Variants in STEAP1B observed in about 807,000 individuals in gnomAD.
STEAP1B encodes STEAP family member 1B, also known as STEAP family protein MGC87042.
Under a neutral mutation model 27.9 loss-of-function variants are expected in STEAP1B, and 13 were observed. That is an observed-to-expected ratio of 0.47 (90% CI 0.30 to 0.74). The LOEUF (loss-of-function observed/expected upper bound fraction) is 0.74, where lower values mean the gene tolerates loss of function less well. Ranked by LOEUF, STEAP1B falls within the 30% of genes least tolerant of loss-of-function variation. The pLI is 0.06. For synonymous variants in STEAP1B, 86 were observed against 107.1 expected (o/e 0.80, Z 1.22); for missense variants, 250 against 298.7 (o/e 0.84, Z 1.20).
At chr7:22,479,635 C>G (rs1479895770) in intron 4 of STEAP1B, among the ~76,000 whole-genome samples, 2 of 149,752 alleles carry the variant, frequency 1.3e-5, no homozygotes, top group Non-Finnish European at 2.9e-5. Context: ...CTCTCTCCCC[C>G]TAGAGTGGCG....
chr7:22,438,716 G>A (rs577877335), intron 4 of STEAP1B: 1 of 1,551,670 alleles, frequency 6.4e-7, no homozygotes, highest in South Asian at 1.2e-5. Context: ...TTAGTGGCCT[G>A]AAAGTTGCAC....
chr7:22,440,355 G>A (rs575619566), intron 4 of STEAP1B, among the ~76,000 whole-genome samples: 24 of 152,118 alleles, frequency 1.6e-4, no homozygotes, highest in African/African-American at 5.3e-4. Context: ...ATTTAACTTG[G>A]GTGAAACATT....
At chr7:22,426,464 G>C (rs1310710310) in intron 4 of STEAP1B, among the ~76,000 whole-genome samples, 2 of 152,182 alleles carry the variant, frequency 1.3e-5, no homozygotes, top group Admixed American at 6.5e-5. Context: ...TTGGGCCCTT[G>C]AGGGTAGAAA....
chr7:22,477,810 T>G (rs1466307430), intron 4 of STEAP1B, among the ~76,000 whole-genome samples: 1 of 152,168 alleles, frequency 6.6e-6, no homozygotes, highest in East Asian at 1.9e-4. Context: ...AGGCTTTATC[T>G]CCTTTTAATC....
chr7:22,482,008 GC>G (rs1786083688), intron 4 of STEAP1B, among the ~76,000 whole-genome samples: 1 of 152,178 alleles, frequency 6.6e-6, no homozygotes, highest in Admixed American at 6.5e-5. Context: ...AGACTGGGTG[GC>G]CACTGTGTTC....
chr7:22,459,457 G>T (rs1392150816), intron 4 of STEAP1B, among the ~76,000 whole-genome samples: 4 of 152,124 alleles, frequency 2.6e-5, no homozygotes, highest in Non-Finnish European at 5.9e-5. Context: ...TTGGCAAAAG[G>T]CCCCAGATTA....
chr7:22,480,655 T>C (rs944213300), intron 4 of STEAP1B, among the ~76,000 whole-genome samples: 1 of 152,228 alleles, frequency 6.6e-6, no homozygotes, highest in African/African-American at 2.4e-5. Context: ...TACCAAACAA[T>C]TATCCCAATC....
At chr7:22,433,029 T>C (rs1035045783) in intron 4 of STEAP1B, among the ~76,000 whole-genome samples, 5 of 152,004 alleles carry the variant, frequency 3.3e-5, no homozygotes, top group Non-Finnish European at 5.9e-5. Flanking sequence ...TGACTGCTCA[T>C]AGGACATTTC....
At chr7:22,453,022 C>G (rs1011284760) in intron 4 of STEAP1B, among the ~76,000 whole-genome samples, 1 of 152,176 alleles carries the variant, frequency 6.6e-6, no homozygotes, top group Admixed American at 6.6e-5. Flanking sequence ...TGAAGTGAAA[C>G]AATTTCATAC....
At chr7:22,463,718 C>T (rs368261872) in intron 4 of STEAP1B, among the ~76,000 whole-genome samples, 5 of 151,982 alleles carry the variant, frequency 3.3e-5, no homozygotes, top group African/African-American at 7.2e-5. Flanking sequence ...GGATTCCCTA[C>T]TTAATAAATG....
chr7:22,452,432 C>T (rs1326047564), intron 4 of STEAP1B, among the ~76,000 whole-genome samples: 2 of 152,112 alleles, frequency 1.3e-5, no homozygotes, highest in Admixed American at 6.5e-5. Context: ...CCCCCCTCCC[C>T]GCGCCATACA....
chr7:22,475,290 G>A (rs138756895), intron 4 of STEAP1B, among the ~76,000 whole-genome samples: 71 of 152,318 alleles, frequency 4.7e-4, no homozygotes, highest in African/African-American at 1.6e-3. Context: ...ACATCCGCCT[G>A]GAGTCAGGAC....
intron 4 of STEAP1B, 98 bp from the exon 5 acceptor site, chr7:22,419,934 CA>C: frequency 7.3e-7 from 1 of 1,370,054 alleles, no homozygotes; most frequent in Non-Finnish European, 9.9e-7. Flanking sequence ...TGAGAAATTG[CA>C]AGTATACACG....
At chr7:22,498,600 T>C (rs1349918684) in intron 1 of STEAP1B, among the ~76,000 whole-genome samples, 1 of 152,056 alleles carries the variant, frequency 6.6e-6, no homozygotes, top group Non-Finnish European at 1.5e-5. Flanking sequence ...TTAAATGAGA[T>C]AAAGCCTCTG....
chr7:22,437,974 T>C (rs1431653943), intron 4 of STEAP1B, among the ~76,000 whole-genome samples: 2 of 152,240 alleles, frequency 1.3e-5, no homozygotes, highest in East Asian at 3.8e-4. Flanking sequence ...ATTATTGAGT[T>C]GTAGGCACAC....
chr7:22,436,217 A>G (rs1310431796), intron 4 of STEAP1B, among the ~76,000 whole-genome samples: 1 of 152,206 alleles, frequency 6.6e-6, no homozygotes, highest in Non-Finnish European at 1.5e-5. Context: ...AAAAAAATCA[A>G]CTTTATTAAA....
In STEAP1B at chr7:22,493,505, A is replaced by G; in HGVS notation, c.416T>C (p.Val139Ala). The change falls in exon 3 of 5, where the codon GTC becomes GCC. Residue 139 changes from valine (V) to alanine (A), a missense_variant. By Grantham distance (64) the Val-to-Ala change is moderately conservative. Transcript: ENST00000678116. ...VYLPGVIAAIVQVHNGTKYKK... is the reference protein window; with the variant it reads ...VYLPGVIAAIAQVHNGTKYKK... ...ATACTTGGTTCCATTATGAACTTGG[A>G]CAATTGCTGCTATCACACCTGGTAG... The G allele has an allele frequency of 6.2e-7, 1 of 1,613,772 alleles. No homozygotes were observed. The highest frequency in any genetic ancestry group is 1.1e-5 in the South Asian group (1 of 91,064).
intron 4 of STEAP1B, among the ~76,000 whole-genome samples, chr7:22,425,010 G>A (rs1785089140): frequency 6.6e-6 from 1 of 152,136 alleles, no homozygotes; most frequent in East Asian, 1.9e-4. Flanking sequence ...CTGGGTAGGT[G>A]AGATTTTCAA....
At position 22,455,352 on chromosome 7, in the gene STEAP1B, A is replaced by G. The variant is rs370613268; in HGVS notation, c.763-35516T>C. 7.9e-5 allele frequency among the ~76,000 whole-genome samples: 12 copies of G among 152,326 alleles called. No individual in the cohort carries two copies. In the East Asian group the frequency reaches 1.2e-3, roughly 15 times the overall value. On this transcript the variant is annotated intron_variant, in intron 4 of 4. Transcript: ENST00000678116. ...GCACCAATTTACAATCTCACAAATA[A>G]TGTAGAATTCCAGTTGCTTCATATG...
Sources: gnomAD v4.1 joint callset for allele counts (sites outside exome capture counted in the v4.1 genomes callset) on GRCh38, gnomAD v4.1.1 for gene constraint, MANE v1.5 for transcripts, NCBI Gene and HGNC (gene_info 2026-07-23, HGNC 2026-07-21) for gene names.